Variants in COL18A1 observed in about 807,000 individuals in gnomAD.
COL18A1 encodes collagen alpha-1(XVIII) chain.
Under a neutral mutation model 168.0 loss-of-function variants are expected in COL18A1, and 133 were observed. The observed-to-expected ratio is 0.79, with a 90% CI of 0.69 to 0.91. COL18A1 has a LOEUF of 0.91. Among genes scored for constraint, COL18A1 ranks in the 40% least tolerant of loss-of-function variants. The pLI, the probability that COL18A1 is intolerant of heterozygous loss-of-function variation, is 0.00. For synonymous variants in COL18A1, 949 were observed against 809.0 expected, an observed-to-expected ratio of 1.17 and a Z score of -2.94; for missense variants, 2,126 against 1,925.4, an observed-to-expected ratio of 1.10 and a Z score of -1.95.
At chr21:45,478,756 T>C (rs567486895) in intron 9 of COL18A1, among the ~76,000 whole-genome samples, 8 of 152,060 alleles carry the variant, frequency 5.3e-5, no homozygotes, top group African/African-American at 1.7e-4. Context: ...GTTCAGTCTT[T>C]AAAAATCAGC....
intron 17 of COL18A1, 55 bp downstream of exon 17, chr21:45,487,564 G>GA (rs1377347158): frequency 6.2e-7 from 1 of 1,603,224 alleles, no homozygotes; most frequent in Non-Finnish European, 8.5e-7. Context: ...GTGTTGCCTG[G>GA]GGCAGGAGAG....
At position 45,509,443 on chromosome 21, in the gene COL18A1, G is replaced by A. The variant is rs746120970; in HGVS notation, c.3337G>A (p.Ala1113Thr). 114 of 1,532,886 alleles carry A rather than the reference G, an allele frequency of 7.4e-5. 1 individual carries two copies. The Middle Eastern group carries it at 2.3e-3, about 30-fold the overall frequency. 95.0% of individuals were successfully genotyped at this position (1,532,886 alleles called of 1,614,324 possible). ...YPRREHPHPT[A>T]RPWRADDILA... ...GCGGCGGGAGCACCCCCACCCCACC[G>A]CGCGGCCCTGGCGGGCAGATGACAT... Residue 1113 changes from alanine (A) to threonine (T), a missense_variant, in exon 39 of 42, where the codon GCG becomes ACG. By Grantham distance (58) the Ala-to-Thr change is moderately conservative. Coordinates refer to ENST00000651438, the MANE Select transcript of COL18A1 (RefSeq NM_001379500.1).
At chr21:45,482,712 A>G (rs2035943222) in intron 14 of COL18A1, 83 bp from the exon 15 acceptor site, 2 of 1,607,802 alleles carry the variant, frequency 1.2e-6, no homozygotes, top group Non-Finnish European at 8.5e-7. Context: ...GTCGGGGCAC[A>G]GTTCCTGGCA....
At chr21:45,437,666 TCAGA>T (rs148300341) in intron 2 of COL18A1, among the ~76,000 whole-genome samples, 4,593 of 25,200 alleles carry the variant, frequency 0.18, 924 homozygotes, top group East Asian at 0.39. Flanking sequence ...ACACACACAC[TCAGA>T]CACACAGGCA....
chr21:45,422,531 C>T (rs554201032), intron 2 of COL18A1: 1 of 520,480 alleles, frequency 1.9e-6, no homozygotes, highest in Middle Eastern at 3.2e-4. Context: ...CACCTCGCGC[C>T]GTGCCAGGAC....
intron 2 of COL18A1, 116 bp from the exon 3 acceptor site, chr21:45,468,126 C>A: frequency 8.9e-7 from 1 of 1,120,536 alleles, no homozygotes; most frequent in Non-Finnish European, 1.3e-6. Context: ...ACGTGGAGAG[C>A]CCTCCCAGAC....
At chr21:45,439,598 C>G (rs560382924) in intron 2 of COL18A1, among the ~76,000 whole-genome samples, 3 of 146,544 alleles carry the variant, frequency 2.0e-5, no homozygotes, top group South Asian at 2.1e-4. Flanking sequence ...TTGACGGAAG[C>G]GCGTCGCGCG....
chr21:45,479,668 C>T (rs1308732959), intron 9 of COL18A1, among the ~76,000 whole-genome samples: 2 of 152,178 alleles, frequency 1.3e-5, no homozygotes, highest in Non-Finnish European at 2.9e-5. Context: ...GGGGAACCTG[C>T]TGTGACCTCC....
At chr21:45,479,710 G>A (rs186317832) in intron 9 of COL18A1, among the ~76,000 whole-genome samples, 192 bp from the exon 10 acceptor site, 113 of 152,242 alleles carry the variant, frequency 7.4e-4, no homozygotes, top group Admixed American at 6.1e-3. Context: ...TCCCCCAGGC[G>A]TGGCTGGCGA....
intron 2 of COL18A1, among the ~76,000 whole-genome samples, chr21:45,445,978 A>G (rs2034495607): frequency 6.6e-6 from 1 of 152,124 alleles, no homozygotes; most frequent in Admixed American, 6.5e-5. Flanking sequence ...TTCTTTTGTC[A>G]CTTGGGCTTT....
At chr21:45,511,951 TCC>T (rs2037636117) in intron 41 of COL18A1, among the ~76,000 whole-genome samples, 1 of 151,888 alleles carries the variant, frequency 6.6e-6, no homozygotes, top group African/African-American at 2.4e-5. Context: ...CTGGCCCCTC[TCC>T]CCTCTGCCGT....
intron 5 of COL18A1, 138 bp from the exon 6 acceptor site, chr21:45,476,213 C>A: frequency 7.6e-7 from 1 of 1,309,362 alleles, no homozygotes; most frequent in Non-Finnish European, 1.0e-6. Flanking sequence ...TCGCGCACGG[C>A]CCTGGAGCAC....
rs758609359 is a variant in COL18A1, at chr21:45,456,111, C to T, written c.107-12131C>T. 45 of 1,587,812 alleles carry T rather than the reference C, an allele frequency of 2.8e-5. No individual in the cohort carries two copies. The Middle Eastern group carries it at 5.0e-4, about 18-fold the overall frequency. ...GGCACCTTGCCTGCACCCACCCCAT[C>T]GCCTCCCTCCCTGGGCAGGCCCTGG... On this transcript the variant is annotated intron_variant, in intron 2 of 41. Coordinates refer to ENST00000651438, the MANE Select transcript of COL18A1 (RefSeq NM_001379500.1).
Position 45,490,913 on chromosome 21 carries a change from G to A in COL18A1, c.2067+42G>A, listed in dbSNP as rs759034726. The A allele has an allele frequency of 5.9e-6, 9 of 1,535,878 alleles. No individual in the cohort carries two copies. The East Asian group carries it at 2.0e-4, about 33-fold the overall frequency. ...CGGGTGGATGGGGATGGGGGGCGCT[G>A]GGACATCCCAGAAGGTTTGGCCTCA... is the stretch of plus-strand genomic sequence containing the variant. On this transcript the variant is annotated intron_variant, in intron 21 of 41. Coordinates refer to ENST00000651438, the MANE Select transcript of COL18A1 (RefSeq NM_001379500.1).
chr21:45,491,858 C>G (rs968429987), intron 22 of COL18A1, among the ~76,000 whole-genome samples: 1 of 152,226 alleles, frequency 6.6e-6, no homozygotes, highest in Non-Finnish European at 1.5e-5. Flanking sequence ...AAGCCCCACT[C>G]TGGGCAGGGA....
At chr21:45,468,182 G>C (rs1325262234) in intron 2 of COL18A1, 60 bp from the exon 3 acceptor site, 2 of 1,591,656 alleles carry the variant, frequency 1.3e-6, no homozygotes, top group Non-Finnish European at 1.7e-6. Flanking sequence ...TCCAGGCCGC[G>C]TCGGTGGCCC....
intron 2 of COL18A1, among the ~76,000 whole-genome samples, chr21:45,436,328 G>A (rs910665050): frequency 2.0e-5 from 3 of 152,202 alleles, no homozygotes; most frequent in Non-Finnish European, 4.4e-5. Context: ...ACCCTCACCC[G>A]GGGCCCATCC....
At position 45,489,530 on chromosome 21, in the gene COL18A1, T is replaced by A; in HGVS notation, c.1959+9T>A. The A allele has an allele frequency of 6.3e-7, 1 of 1,585,272 alleles. No homozygotes were observed. ...GGCTGCCGGGGGCGAAGGTAAGCGCTGTGCCCGGGTTCAGGGACGTGGCCA... is the reference window on the plus strand; with the variant it reads ...GGCTGCCGGGGGCGAAGGTAAGCGCAGTGCCCGGGTTCAGGGACGTGGCCA... On this transcript the variant is annotated intron_variant, in intron 19 of 41. Transcript: ENST00000651438.
chr21:45,497,159 T>C (rs2036570955), intron 31 of COL18A1, 67 bp downstream of exon 31: 1 of 1,028,824 alleles, frequency 9.7e-7, no homozygotes, highest in Non-Finnish European at 1.5e-6. Flanking sequence ...CCCACCTTCC[T>C]TCCCGTGCCA....
Sources: allele counts gnomAD v4.1 joint callset (sites outside exome capture counted in the v4.1 genomes callset), GRCh38; gene constraint gnomAD v4.1.1; transcripts MANE v1.5; gene names NCBI Gene and HGNC (gene_info 2026-07-23, HGNC 2026-07-21).